The following PTER variants were observed in gnomAD, a reference collection of about 807,000 sequenced individuals.
PTER encodes N-acetyltaurine hydrolase.
A neutral mutation model predicts 29.6 loss-of-function variants in PTER; 38 were observed. The observed-to-expected ratio is 1.28, with a 90% CI of 0.99 to 1.68. The LOEUF (loss-of-function observed/expected upper bound fraction) is 1.68. PTER is among the 40% of genes most tolerant of loss of function. The probability of loss-of-function intolerance (pLI) is 0.00; values close to 1 mark genes in which losing one functional copy is unlikely to be tolerated. For missense variants in PTER, 482 were observed against 427.8 expected (o/e 1.13, Z -1.12); for synonymous variants, 172 against 154.5 (o/e 1.11, Z -0.84).
intron 1 of PTER, among the ~76,000 whole-genome samples, chr10:16,464,616 T>A (rs534078789): frequency 4.3e-4 from 65 of 152,322 alleles, no homozygotes; most frequent in African/African-American, 1.5e-3. Flanking sequence ...TAAGCTAATG[T>A]ACAACCTACA....
At chr10:16,509,929 T>TG (rs1836746958) in intron 4 of PTER, among the ~76,000 whole-genome samples, 1 of 152,198 alleles carries the variant, frequency 6.6e-6, no homozygotes, top group Admixed American at 6.5e-5. Context: ...TGAGTTTTTT[T>TG]TGTGTGTGTA....
rs200693905 is a variant in PTER, at chr10:16,437,839, T to TA, written c.-49+793dup. ...TCTGACTCCACAGCCAGTGTGCTGT[T>TA]ACTCTCTTAGACTACCTCATTCTTT... is the stretch of plus-strand genomic sequence containing the variant. On this transcript the variant is annotated intron_variant, in intron 1 of 4. Transcript: ENST00000535784. Among the ~76,000 whole-genome samples the TA allele has an allele frequency of 4.5e-3, 685 of 152,316 alleles. 7 individuals carry two copies. Among genetic ancestry groups the TA allele is most frequent in the African/African-American group, 0.015 (642 of 41,580 alleles).
At chr10:16,468,003 T>C (rs1376338528) in intron 1 of PTER, among the ~76,000 whole-genome samples, 1 of 152,184 alleles carries the variant, frequency 6.6e-6, no homozygotes, top group East Asian at 1.9e-4. Flanking sequence ...AGGGCTGTGC[T>C]GTGATCTCAG....
At chr10:16,444,337 C>T (rs931153144) in intron 1 of PTER, among the ~76,000 whole-genome samples, 10 of 151,556 alleles carry the variant, frequency 6.6e-5, no homozygotes, top group South Asian at 2.1e-4. Context: ...TCACCCAGGC[C>T]GGAGTGTGGT....
intron 3 of PTER, among the ~76,000 whole-genome samples, chr10:16,489,523 A>G (rs116125275): frequency 0.018 from 2,614 of 147,028 alleles, 77 homozygotes; most frequent in African/African-American, 0.062. Flanking sequence ...TATTATGAGT[A>G]TTAGGTTGGT....
chr10:16,480,941 C>A (rs1014249404), intron 1 of PTER, among the ~76,000 whole-genome samples: 1 of 152,248 alleles, frequency 6.6e-6, no homozygotes, highest in Admixed American at 6.5e-5. Context: ...TTTATCGTTT[C>A]TGGCTTTCAG....
At position 16,484,486 on chromosome 10, in the gene PTER, C is replaced by T; in HGVS notation, c.102C>T (p.Asp34=). ...ATGAACACCTGGCCATGACCTTTGA[C>T]TGCTGTTACTGTCCACCTCCCCCGT... ...LTHEHLAMTF[D]CCYCPPPPCQ... Residue 34 remains aspartate (D), a synonymous_variant, in exon 2 of 5, where the codon GAC becomes GAT. Transcript: ENST00000535784. 1 of 1,614,098 alleles carries T rather than the reference C, an allele frequency of 6.2e-7. No individual in the cohort carries two copies. The highest frequency in any genetic ancestry group is 8.5e-7 in the Non-Finnish European group (1 of 1,180,010).
intron 1 of PTER, among the ~76,000 whole-genome samples, chr10:16,443,408 AG>A (rs1487053042): frequency 6.6e-6 from 1 of 152,204 alleles, no homozygotes; most frequent in Admixed American, 6.5e-5. Flanking sequence ...TTTTGCAGGG[AG>A]ATACAACTGA....
intron 1 of PTER, among the ~76,000 whole-genome samples, chr10:16,439,746 A>C (rs376720152): frequency 9.2e-5 from 14 of 152,228 alleles, no homozygotes; most frequent in African/African-American, 3.4e-4. Context: ...ATTTTTGTAG[A>C]GATGGGGGGT....
chr10:16,495,912 C>A (rs142963128), intron 3 of PTER, among the ~76,000 whole-genome samples: 1 of 152,328 alleles, frequency 6.6e-6, no homozygotes, highest in Non-Finnish European at 1.5e-5. Flanking sequence ...TTGTGAGTTT[C>A]ACAGCCTGCT....
chr10:16,469,625 G>T (rs1834972447), intron 1 of PTER, among the ~76,000 whole-genome samples: 1 of 152,152 alleles, frequency 6.6e-6, no homozygotes, highest in Admixed American at 6.6e-5. Flanking sequence ...TTGTTTGTTT[G>T]TTTGTTTCTG....
chr10:16,491,294 A>T (rs1251261011), intron 3 of PTER, among the ~76,000 whole-genome samples: 1 of 152,218 alleles, frequency 6.6e-6, no homozygotes, highest in Non-Finnish European at 1.5e-5. Flanking sequence ...AAAGCAGTGC[A>T]TTCGGAAAAA....
At chr10:16,473,402 A>G (rs1342008551) in intron 1 of PTER, among the ~76,000 whole-genome samples, 1 of 151,716 alleles carries the variant, frequency 6.6e-6, no homozygotes, top group Non-Finnish European at 1.5e-5. Flanking sequence ...CTATGCACAA[A>G]TGAACTCACT....
chr10:16,458,910 T>C (rs145285180), intron 1 of PTER, among the ~76,000 whole-genome samples: 2 of 152,258 alleles, frequency 1.3e-5, no homozygotes, highest in East Asian at 3.9e-4. Context: ...CCTCCCTCAA[T>C]ACAAGAGACT....
At chr10:16,492,226 C>A (rs1473374953) in intron 3 of PTER, among the ~76,000 whole-genome samples, 2 of 152,120 alleles carry the variant, frequency 1.3e-5, no homozygotes, top group Non-Finnish European at 2.9e-5. Context: ...GTGAATTTAA[C>A]CCTAGGGAAC....
intron 1 of PTER, among the ~76,000 whole-genome samples, chr10:16,482,349 T>C (rs1440490433): frequency 1.3e-5 from 2 of 152,144 alleles, no homozygotes; most frequent in African/African-American, 2.4e-5. Flanking sequence ...TTCCCCCAAA[T>C]CATCTCCCCT....
At chr10:16,438,056 A>G (rs187668560) in intron 1 of PTER, among the ~76,000 whole-genome samples, 9 of 152,254 alleles carry the variant, frequency 5.9e-5, no homozygotes, top group Non-Finnish European at 1.0e-4. Context: ...CCCAGGCTGG[A>G]GTGCAGTGGT....
At chr10:16,490,237 C>T (rs934400398) in intron 3 of PTER, among the ~76,000 whole-genome samples, 1 of 152,070 alleles carries the variant, frequency 6.6e-6, no homozygotes. Flanking sequence ...AAGTGGAAAA[C>T]GGAATGTTTC....
At chr10:16,508,818 T>C (rs1285854639) in intron 4 of PTER, among the ~76,000 whole-genome samples, 1 of 152,166 alleles carries the variant, frequency 6.6e-6, no homozygotes, top group African/African-American at 2.4e-5. Flanking sequence ...AATGCCCTTT[T>C]GGGTTGCGTG....
Sources: allele counts gnomAD v4.1 joint callset (sites outside exome capture counted in the v4.1 genomes callset), GRCh38; gene constraint gnomAD v4.1.1; transcripts MANE v1.5; gene names NCBI Gene and HGNC (gene_info 2026-07-23, HGNC 2026-07-21).